CUX2: variants seen among roughly 807,000 people sequenced by gnomAD.
CUX2 encodes the protein homeobox protein cut-like 2.
Under a neutral mutation model 144.8 loss-of-function variants are expected in CUX2, and 40 were observed. The observed-to-expected ratio is 0.28, with a 90% CI of 0.21 to 0.36. CUX2 has a LOEUF of 0.36. Ranked by LOEUF, CUX2 falls within the 10% of genes least tolerant of loss-of-function variation. The pLI is 1.00. For synonymous variants in CUX2, 827 were observed against 875.6 expected, an observed-to-expected ratio of 0.94 and a Z score of 0.98; for missense variants, 1,615 against 1,994.0, an observed-to-expected ratio of 0.81 and a Z score of 3.62.
chr12:111,138,392 G>A (rs778729759), intron 1 of CUX2, among the ~76,000 whole-genome samples: 20 of 152,148 alleles, frequency 1.3e-4, no homozygotes, highest in African/African-American at 4.8e-5. Context: ...GGGTAGGGGT[G>A]GAGGAGAGGG....
At chr12:111,064,720 G>A (rs1019403009) in intron 1 of CUX2, among the ~76,000 whole-genome samples, 6 of 152,234 alleles carry the variant, frequency 3.9e-5, no homozygotes, top group Non-Finnish European at 7.3e-5. Flanking sequence ...CTGCCTAGAA[G>A]TGGGTTTCAA....
intron 3 of CUX2, among the ~76,000 whole-genome samples, chr12:111,261,626 C>T (rs140931321): frequency 1.1e-4 from 17 of 152,270 alleles, no homozygotes; most frequent in Middle Eastern, 3.4e-3. Context: ...CAGGGCCAGG[C>T]GCAGTGGCTC....
chr12:111,288,313 C>T (rs1592921454), intron 4 of CUX2, among the ~76,000 whole-genome samples: 1 of 152,122 alleles, frequency 6.6e-6, no homozygotes, highest in East Asian at 1.9e-4. Context: ...GTGTCTGGTG[C>T]CATGTGGAGC....
intron 1 of CUX2, among the ~76,000 whole-genome samples, chr12:111,052,781 T>G (rs1870341004): frequency 6.6e-6 from 1 of 152,210 alleles, no homozygotes; most frequent in Non-Finnish European, 1.5e-5. Flanking sequence ...AGGCAGAACT[T>G]CTTTCAACAT....
intron 1 of CUX2, among the ~76,000 whole-genome samples, chr12:111,085,216 G>A (rs1187726005): frequency 6.6e-6 from 1 of 152,204 alleles, no homozygotes; most frequent in African/African-American, 2.4e-5. Flanking sequence ...AGAGCTGACT[G>A]TGTGTGTCTC....
intron 4 of CUX2, among the ~76,000 whole-genome samples, chr12:111,267,846 G>A (rs1884459779): frequency 6.6e-6 from 1 of 151,934 alleles, no homozygotes; most frequent in Admixed American, 6.6e-5. Context: ...TATATATGAG[G>A]TCTTGCTTAA....
At chr12:111,046,999 T>C (rs752990067) in intron 1 of CUX2, among the ~76,000 whole-genome samples, 7 of 152,232 alleles carry the variant, frequency 4.6e-5, no homozygotes, top group Non-Finnish European at 7.3e-5. Flanking sequence ...ACCTTGCCAC[T>C]GTCAACTCAT....
chr12:111,336,786 A>C (rs1360371308), intron 19 of CUX2, among the ~76,000 whole-genome samples: 5 of 151,960 alleles, frequency 3.3e-5, no homozygotes, highest in African/African-American at 1.2e-4. Flanking sequence ...ACACTTTCTG[A>C]ACACATATAA....
chr12:111,263,889 C>A lies in CUX2; in HGVS notation c.301+50C>A. On this transcript the variant is annotated intron_variant, in intron 4 of 21. Coordinates refer to ENST00000261726, the MANE Select transcript of CUX2 (RefSeq NM_015267.4). This position sits in a 1 kb window ranked among gnomAD's most constrained non-coding sequence, Gnocchi z 4.0. ...TTGAATAGTTAACGACAATAAATAG[C>A]CATTAGGACTGTGACACAGGGACTT... is the stretch of plus-strand genomic sequence containing the variant. 1.3e-6 allele frequency: 2 copies of A among 1,514,634 alleles called. No individual in the cohort carries two copies. Among genetic ancestry groups the A allele is most frequent in the Non-Finnish European group, 1.8e-6 (2 of 1,089,644 alleles). 93.8% of individuals were successfully genotyped at this position (1,514,634 alleles called of 1,614,324 possible).
At position 111,320,033 on chromosome 12, in the gene CUX2, C is replaced by T. The variant is rs759014231; in HGVS notation, c.2024C>T (p.Ala675Val). The T allele has an allele frequency of 6.5e-6, 10 of 1,535,980 alleles. No homozygotes were observed. The African/African-American group carries it at 1.2e-4, about 19-fold the overall frequency. ...QKGGEPKTSV[A>V]PLSIANGTTP... ...GCAGGCGAGCCCAAGACCTCGGTGG[C>T]CCCGCTGAGCATCGCCAACGGCACG... Residue 675 changes from alanine (A) to valine (V), a missense_variant, in exon 17 of 22, where the codon GCC (alanine) becomes GTC (valine). Ala to Val is a moderately conservative substitution (Grantham distance 64). Transcript: ENST00000261726. This position sits in a 1 kb window ranked among gnomAD's most constrained non-coding sequence, Gnocchi z 8.1.
intron 1 of CUX2, among the ~76,000 whole-genome samples, chr12:111,204,512 G>C (rs539215018): frequency 6.6e-6 from 1 of 152,216 alleles, no homozygotes; most frequent in African/African-American, 2.4e-5. Flanking sequence ...GGCAGACCTT[G>C]TAGAGACAGT....
At chr12:111,211,930 G>A (rs1485166964) in intron 1 of CUX2, among the ~76,000 whole-genome samples, 1 of 151,512 alleles carries the variant, frequency 6.6e-6, no homozygotes, top group Admixed American at 6.6e-5. Context: ...ATCCAAGATA[G>A]AGAGCTGTAA....
At chr12:111,336,963 G>C (rs1888380933) in intron 19 of CUX2, among the ~76,000 whole-genome samples, 1 of 151,604 alleles carries the variant, frequency 6.6e-6, no homozygotes, top group South Asian at 2.1e-4. Flanking sequence ...CTGTTGGAGG[G>C]CATGAGTTCC....
chr12:111,224,614 G>A (rs534450048), intron 3 of CUX2, among the ~76,000 whole-genome samples: 1 of 139,506 alleles, frequency 7.2e-6, no homozygotes, highest in Admixed American at 8.2e-5. Context: ...CCTTTTCCCT[G>A]GCACTCCTGG....
chr12:111,034,593 C>A lies in CUX2; in HGVS notation c.63+353C>A, dbSNP rs965398282. On this transcript the variant is annotated intron_variant, in intron 1 of 21. Coordinates refer to ENST00000261726, the MANE Select transcript of CUX2 (RefSeq NM_015267.4). This position sits in a 1 kb window ranked among gnomAD's most constrained non-coding sequence, Gnocchi z 4.2. ...TGGCGGGAACCCCCGGCGGTCCCCC[C>A]TGAGCCGCACTTTGCGCGCCTCCCA... 6.6e-6 allele frequency among the ~76,000 whole-genome samples: 1 copy of A among 151,286 alleles called. No individual in the cohort carries two copies. Among genetic ancestry groups the A allele is most frequent in the Non-Finnish European group, 1.5e-5 (1 of 67,738 alleles).
chr12:111,096,449 C>T (rs1383667127), intron 1 of CUX2, among the ~76,000 whole-genome samples: 2 of 152,214 alleles, frequency 1.3e-5, no homozygotes, highest in Non-Finnish European at 2.9e-5. Flanking sequence ...GGGTGCTCCC[C>T]GTATGGAATC....
chr12:111,312,576 T>A lies in CUX2; in HGVS notation c.2002+375T>A, dbSNP rs1384484638. Among the ~76,000 whole-genome samples, 1 of 152,002 alleles carries A rather than the reference T, an allele frequency of 6.6e-6. No homozygotes were observed. The highest frequency in any genetic ancestry group is 1.5e-5 in the Non-Finnish European group (1 of 68,022). The stretch of plus-strand genomic sequence containing the variant: ...TTACCTGGGCATGGTGATATGTGCC[T>A]GTAATCCCAGCTACTTAGAAGGCTG... On this transcript the variant is annotated intron_variant, in intron 16 of 21. Transcript: ENST00000261726. This position sits in a 1 kb window ranked among gnomAD's most constrained non-coding sequence, Gnocchi z 4.3.
At chr12:111,123,214 C>T (rs1489170787) in intron 1 of CUX2, among the ~76,000 whole-genome samples, 1 of 151,936 alleles carries the variant, frequency 6.6e-6, no homozygotes, top group African/African-American at 2.4e-5. Context: ...ACAGGGTCTC[C>T]CTCTGTCGCC....
At chr12:111,318,231 TTTTTTTC>T (rs1427588257) in intron 16 of CUX2, among the ~76,000 whole-genome samples, 4 of 127,436 alleles carry the variant, frequency 3.1e-5, no homozygotes, top group South Asian at 2.6e-4. Flanking sequence ...CTGGCTAATT[TTTTTTTC>T]TTTTTTCTTT....
Sources: allele counts gnomAD v4.1 joint callset (sites outside exome capture counted in the v4.1 genomes callset), GRCh38; gene constraint gnomAD v4.1.1; non-coding constraint Gnocchi (gnomAD v3.1); transcripts MANE v1.5; gene names NCBI Gene and HGNC (gene_info 2026-07-23, HGNC 2026-07-21).